Variants in GPR158 observed in about 807,000 individuals in gnomAD.
GPR158 encodes G protein-coupled receptor 158, also known as metabotropic glycine receptor.
GPR158 carries 30 observed loss-of-function variants against 78.2 expected under a neutral mutation model. The ratio of observed to expected loss-of-function variants is 0.38; its 90% CI spans 0.29 to 0.52. GPR158 has a LOEUF of 0.52. Among genes scored for constraint, GPR158 ranks in the 20% least tolerant of loss-of-function variants. GPR158 has a pLI of 0.83. For synonymous variants in GPR158, 581 were observed against 591.1 expected (o/e 0.98, Z 0.25); for missense variants, 1,463 against 1,523.5 (o/e 0.96, Z 0.66).
chr10:25,470,651 A>C (rs1363943523), intron 5 of GPR158, among the ~76,000 whole-genome samples: 7 of 152,228 alleles, frequency 4.6e-5, no homozygotes, highest in Admixed American at 4.6e-4. Context: ...GCAATGCAGC[A>C]GTATAAAGAC....
At chr10:25,261,741 C>A (rs1853971517) in intron 2 of GPR158, among the ~76,000 whole-genome samples, 1 of 152,106 alleles carries the variant, frequency 6.6e-6, no homozygotes, top group African/African-American at 2.4e-5. Flanking sequence ...GTAAAATGAT[C>A]TACGCTTTTA....
At chr10:25,309,864 A>T (rs954641743) in intron 2 of GPR158, among the ~76,000 whole-genome samples, 6 of 152,190 alleles carry the variant, frequency 3.9e-5, no homozygotes, top group African/African-American at 7.2e-5. Flanking sequence ...CTCCTCAGCC[A>T]TGTGGAACTG....
chr10:25,209,081 C>A (rs1853092108), intron 1 of GPR158, among the ~76,000 whole-genome samples: 1 of 152,054 alleles, frequency 6.6e-6, no homozygotes, highest in African/African-American at 2.4e-5. Context: ...GTCTTGAACT[C>A]CTGACCTCTG....
At chr10:25,256,945 T>C (rs919848469) in intron 2 of GPR158, among the ~76,000 whole-genome samples, 1 of 152,204 alleles carries the variant, frequency 6.6e-6, no homozygotes, top group Non-Finnish European at 1.5e-5. Flanking sequence ...TATTGATGTT[T>C]TCCCTAAAAG....
intron 2 of GPR158, among the ~76,000 whole-genome samples, chr10:25,359,721 G>A (rs183884996): frequency 0.099 from 15,116 of 152,092 alleles, 1,843 homozygotes; most frequent in African/African-American, 0.3. Context: ...ATAAACATAT[G>A]TGTACATGTG....
chr10:25,424,967 C>G (rs902731540), intron 4 of GPR158, among the ~76,000 whole-genome samples: 4 of 152,080 alleles, frequency 2.6e-5, no homozygotes, highest in Admixed American at 2.6e-4. Context: ...CTATAATTTA[C>G]CTTGGGCAGT....
chr10:25,487,481 G>T (rs1835750075), intron 5 of GPR158, among the ~76,000 whole-genome samples: 1 of 152,164 alleles, frequency 6.6e-6, no homozygotes, highest in African/African-American at 2.4e-5. Flanking sequence ...CATAGTGGCT[G>T]TCCCAGCTAG....
chr10:25,355,361 CTGTT>C (rs1446372977), intron 2 of GPR158, among the ~76,000 whole-genome samples: 1 of 151,972 alleles, frequency 6.6e-6, no homozygotes, highest in Non-Finnish European at 1.5e-5. Flanking sequence ...TTTAAGGTAT[CTGTT>C]TGATTTTTAA....
intron 2 of GPR158, among the ~76,000 whole-genome samples, chr10:25,241,343 CTT>C (rs1319243328): frequency 1.1e-4 from 12 of 108,756 alleles, no homozygotes; most frequent in African/African-American, 4.9e-4. Flanking sequence ...TCTCTTTTCT[CTT>C]TTCTCTTTTC....
At chr10:25,421,571 T>C (rs1356288261) in intron 4 of GPR158, among the ~76,000 whole-genome samples, 1 of 152,152 alleles carries the variant, frequency 6.6e-6, no homozygotes, top group East Asian at 1.9e-4. Flanking sequence ...TATAGGATGA[T>C]GTTATTTACT....
Position 25,175,856 on chromosome 10 carries a change from C to T in GPR158, c.436C>T (p.Arg146Trp), listed in dbSNP as rs1852523009. ...CGTGATGCTGCAGAGCAATAAGTCG[C>T]GGGAGCAGAACTTGCAGGACGACCT... ...LNVMLQSNKS[R>W]EQNLQDDLDW... Residue 146 changes from arginine to tryptophan, a missense_variant, in exon 1 of 11, where the codon CGG becomes TGG. By Grantham distance (101) the Arg-to-Trp change is moderately radical. Coordinates refer to ENST00000376351, the MANE Select transcript of GPR158 (RefSeq NM_020752.3). This position sits in a 1 kb window ranked among gnomAD's most constrained non-coding sequence, Gnocchi z 6.4. 3 of 1,613,774 alleles carry T rather than the reference C, an allele frequency of 1.9e-6. No individual in the cohort carries two copies. Among genetic ancestry groups the T allele is most frequent in the Non-Finnish European group, 2.5e-6 (3 of 1,179,992 alleles).
At chr10:25,328,404 T>C (rs1479110097) in intron 2 of GPR158, among the ~76,000 whole-genome samples, 1 of 152,168 alleles carries the variant, frequency 6.6e-6, no homozygotes, top group East Asian at 1.9e-4. Flanking sequence ...CATAAATATA[T>C]GTACTAATAT....
In GPR158 at chr10:25,359,101, C is replaced by A. The variant is rs536226977; in HGVS notation, c.1009-36810C>A. ...TCATTGATAAATTTTTATTTCTCTG[C>A]AATTTTGTCATTTTTATTTTACGAC... On this transcript the variant is annotated intron_variant, in intron 2 of 10. Coordinates refer to ENST00000376351, the MANE Select transcript of GPR158 (RefSeq NM_020752.3). Among the ~76,000 whole-genome samples, 7 of 151,926 alleles carry A rather than the reference C, an allele frequency of 4.6e-5. No homozygotes were observed. The South Asian group carries it at 1.5e-3, about 32-fold the overall frequency.
chr10:25,555,236 C>T (rs1044801704), intron 6 of GPR158, among the ~76,000 whole-genome samples: 2 of 152,032 alleles, frequency 1.3e-5, no homozygotes, highest in South Asian at 4.2e-4. Flanking sequence ...AACTTTAAAG[C>T]AGTTTTTCTC....
chr10:25,471,969 A>C (rs574257625), intron 5 of GPR158, among the ~76,000 whole-genome samples: 1 of 152,262 alleles, frequency 6.6e-6, no homozygotes, highest in Admixed American at 6.5e-5. Flanking sequence ...TAGTTTAATT[A>C]GATCCCATTT....
chr10:25,279,915 A>G (rs985947744), intron 2 of GPR158, among the ~76,000 whole-genome samples: 1 of 152,000 alleles, frequency 6.6e-6, no homozygotes, highest in African/African-American at 2.4e-5. Flanking sequence ...ACCACTAGCG[A>G]TTAATTTTAG....
chr10:25,535,574 A>G (rs1836488123), intron 5 of GPR158, among the ~76,000 whole-genome samples: 1 of 152,234 alleles, frequency 6.6e-6, no homozygotes, highest in Admixed American at 6.5e-5. Flanking sequence ...ATGTGTGAGT[A>G]ACCCTAAGGC....
intron 7 of GPR158, among the ~76,000 whole-genome samples, chr10:25,585,225 G>A (rs925213914): frequency 2.6e-5 from 4 of 152,190 alleles, no homozygotes; most frequent in African/African-American, 9.7e-5. Context: ...AGATGGAGGG[G>A]CAAGGTAACA....
At chr10:25,490,113 G>A (rs1197066756) in intron 5 of GPR158, among the ~76,000 whole-genome samples, 1 of 152,024 alleles carries the variant, frequency 6.6e-6, no homozygotes, top group South Asian at 2.1e-4. Context: ...AACCTCAAGA[G>A]CAGTTAAGGA....
Sources: gnomAD v4.1 joint callset for allele counts (sites outside exome capture counted in the v4.1 genomes callset) on GRCh38, gnomAD v4.1.1 for gene constraint, Gnocchi (gnomAD v3.1) non-coding constraint, MANE v1.5 for transcripts, NCBI Gene and HGNC (gene_info 2026-07-23, HGNC 2026-07-21) for gene names.